Variants in MCPH1 observed in about 807,000 individuals in gnomAD.
MCPH1 encodes the protein microcephalin 1.
A neutral mutation model predicts 84.5 loss-of-function variants in MCPH1; 104 were observed. The observed-to-expected ratio is 1.23, with a 90% CI of 1.05 to 1.45. The LOEUF (loss-of-function observed/expected upper bound fraction) is 1.45, where lower values mean the gene tolerates loss of function less well. MCPH1 is among the 40% of genes most tolerant of loss of function. MCPH1 has a pLI of 0.00. For synonymous variants in MCPH1, 514 were observed against 366.8 expected, an observed-to-expected ratio of 1.40 and a Z score of -4.58; for missense variants, 1,498 against 1,005.7, an observed-to-expected ratio of 1.49 and a Z score of -6.62.
At chr8:6,578,355 A>C (rs1448741158) in intron 12 of MCPH1, among the ~76,000 whole-genome samples, 1 of 152,240 alleles carries the variant, frequency 6.6e-6, no homozygotes, top group East Asian at 1.9e-4. Flanking sequence ...CTTGAAGCCT[A>C]AAACTTTGGG....
intron 13 of MCPH1, among the ~76,000 whole-genome samples, 172 bp downstream of exon 13, chr8:6,621,863 G>A (rs763587401): frequency 7.9e-5 from 12 of 151,850 alleles, no homozygotes; most frequent in Admixed American, 5.9e-4. Context: ...CGGCATTCCC[G>A]CTCCTTGCTG....
chr8:6,505,359 AT>A (rs1282336137), intron 12 of MCPH1, among the ~76,000 whole-genome samples: 1 of 82,298 alleles, frequency 1.2e-5, no homozygotes, highest in Non-Finnish European at 2.3e-5. Flanking sequence ...TTCTTTCTAT[AT>A]GTATATAGAA....
At position 6,406,692 on chromosome 8, in the gene MCPH1, G is replaced by T. The variant is rs755653944; in HGVS notation, c.22+3G>T. 6.2e-7 allele frequency: 1 copy of T among 1,612,200 alleles called. No homozygotes were observed. The highest frequency in any genetic ancestry group is 1.1e-5 in the South Asian group (1 of 90,888). ...CATGGCGGCCCCCATCCTGAAAGGT[G>T]AGGTACTTCCTGCTGCCTGCTCCAG... On this transcript the variant is annotated splice_donor_region_variant and intron_variant, in intron 1 of 13. Coordinates refer to ENST00000344683, the MANE Select transcript of MCPH1 (RefSeq NM_024596.5).
At chr8:6,562,552 C>CTTTTTTTTGTTTTTTTTTTTTTT (rs1825704936) in intron 12 of MCPH1, 1 of 71,748 alleles carries the variant, frequency 1.4e-5, no homozygotes, top group Non-Finnish European at 2.6e-5. Context: ...CATCCTCCTT[C>CTTTTTTTTGTTTTTTTTTTTTTT]TTTTTTTTTT....
rs115753850 is a variant in MCPH1 at position 6,630,423 on chromosome 8, C to T, written c.2452+8732C>T. 6.8e-3 allele frequency among the ~76,000 whole-genome samples: 1,033 copies of T among 152,080 alleles called. 10 individuals are homozygous for T. Among genetic ancestry groups the T allele is most frequent in the African/African-American group, 0.023 (952 of 41,476 alleles). ...ATGGATGATTTTTAGAAAAATGTTA[C>T]CAAAATTGATTCAAGAAATAGAAAA... is the stretch of plus-strand genomic sequence containing the variant. On this transcript the variant is annotated intron_variant, in intron 13 of 13. Coordinates refer to ENST00000344683, the MANE Select transcript of MCPH1 (RefSeq NM_024596.5).
At chr8:6,603,022 G>A (rs545361150) in intron 12 of MCPH1, among the ~76,000 whole-genome samples, 3 of 151,808 alleles carry the variant, frequency 2.0e-5, no homozygotes, top group Non-Finnish European at 4.4e-5. Flanking sequence ...TAAACCCAGG[G>A]CATCAGTCTC....
chr8:6,496,657 A>G (rs1811267757), intron 11 of MCPH1, among the ~76,000 whole-genome samples: 1 of 151,926 alleles, frequency 6.6e-6, no homozygotes, highest in East Asian at 1.9e-4. Flanking sequence ...AAGGCTGGCT[A>G]TTTAGAAATT....
chr8:6,409,671 C>G (rs958776915), intron 2 of MCPH1, among the ~76,000 whole-genome samples: 5 of 131,086 alleles, frequency 3.8e-5, no homozygotes, highest in Non-Finnish European at 8.0e-5. Context: ...GAACAGGTTT[C>G]TAAGGGAAAA....
At position 6,521,192 on chromosome 8, in the gene MCPH1, A is replaced by G. The variant is rs778968356; in HGVS notation, c.2214+21263A>G. The G allele has an allele frequency of 7.7e-5, 125 of 1,613,244 alleles. No homozygotes were observed. The highest frequency in any genetic ancestry group is 1.0e-4 in the Non-Finnish European group (123 of 1,179,508). ...TGTAAACTTACAGTTTGATGTGGAC[A>G]TCATAGTCAGTAAGTTATTAACTGT... On this transcript the variant is annotated intron_variant, in intron 12 of 13. Transcript: ENST00000344683.
intron 11 of MCPH1, among the ~76,000 whole-genome samples, chr8:6,497,272 T>C (rs999073984): frequency 6.6e-6 from 1 of 151,316 alleles, no homozygotes; most frequent in African/African-American, 2.4e-5. Context: ...CTTGAGGTCA[T>C]GAGTTCGTGA....
At chr8:6,518,622 C>T (rs113123192) in intron 12 of MCPH1, among the ~76,000 whole-genome samples, 1,625 of 152,138 alleles carry the variant, frequency 0.011, 29 homozygotes, top group African/African-American at 0.038. Context: ...AAGTGTTTTT[C>T]TTTGATACTG....
intron 8 of MCPH1, among the ~76,000 whole-genome samples, chr8:6,453,115 C>T (rs1170726045): frequency 2.6e-5 from 4 of 152,062 alleles, no homozygotes; most frequent in African/African-American, 4.8e-5. Flanking sequence ...GGAGCAAACA[C>T]GAATAAAGAG....
intron 6 of MCPH1, 98 bp from the exon 7 acceptor site, chr8:6,441,969 T>C (rs1803577518): frequency 1.2e-6 from 1 of 810,506 alleles, no homozygotes; most frequent in Admixed American, 2.0e-5. Context: ...TAGGATTTAA[T>C]AGAATCACCT....
At chr8:6,486,299 A>G (rs1452269746) in intron 11 of MCPH1, among the ~76,000 whole-genome samples, 1 of 143,610 alleles carries the variant, frequency 7.0e-6, no homozygotes, top group Non-Finnish European at 1.5e-5. Flanking sequence ...TCTCTCTGGC[A>G]CTCTCGCTCT....
At chr8:6,557,863 G>A (rs1208405155) in intron 12 of MCPH1, among the ~76,000 whole-genome samples, 2 of 152,070 alleles carry the variant, frequency 1.3e-5, no homozygotes, top group Admixed American at 6.6e-5. Flanking sequence ...CTCAACTCAG[G>A]AAATCCACAA....
intron 13 of MCPH1, chr8:6,626,328 G>A (rs990103713): frequency 1.0e-6 from 1 of 985,226 alleles, no homozygotes; most frequent in Non-Finnish European, 1.2e-6. Flanking sequence ...GCCTAATAAC[G>A]GGGTTATCGG....
rs1176522130 is a variant in MCPH1, at chr8:6,446,033, A to G, written c.1825+486A>G. ...CTACTTTTAGAAATCTGTTGTCAAT[A>G]TTGATTTTTGAAGAAACTTTGGTCA... On this transcript the variant is annotated intron_variant, in intron 8 of 13. Transcript: ENST00000344683. The G allele has an allele frequency of 3.1e-6, 3 of 980,162 alleles. No homozygotes were observed. The African/African-American group carries it at 5.2e-5, about 17-fold the overall frequency. The allele number at this position is 980,162 out of a possible 1,614,324, so 60.7% of individuals were successfully genotyped here.
intron 12 of MCPH1, among the ~76,000 whole-genome samples, chr8:6,505,263 T>A (rs1563305296): frequency 5.1e-5 from 4 of 78,022 alleles, no homozygotes; most frequent in East Asian, 2.4e-4. Context: ...ATATATGTTT[T>A]ATATATATGT....
At chr8:6,612,737 T>G (rs1830394747) in intron 12 of MCPH1, among the ~76,000 whole-genome samples, 1 of 152,212 alleles carries the variant, frequency 6.6e-6, no homozygotes, top group Non-Finnish European at 1.5e-5. Flanking sequence ...TATCTGCACT[T>G]TCCATGTCCT....
Sources: gnomAD v4.1 joint callset for allele counts (sites outside exome capture counted in the v4.1 genomes callset) on GRCh38, gnomAD v4.1.1 for gene constraint, MANE v1.5 for transcripts, NCBI Gene and HGNC (gene_info 2026-07-23, HGNC 2026-07-21) for gene names.